Variants in SIPA1L3 observed in about 807,000 individuals in gnomAD.
SIPA1L3 encodes the protein signal induced proliferation associated 1 like 3, also known as signal-induced proliferation-associated 1-like protein 3.
Under a neutral mutation model 150.1 loss-of-function variants are expected in SIPA1L3, and 59 were observed. The observed-to-expected ratio is 0.39, with a 90% CI of 0.32 to 0.49. The LOEUF (loss-of-function observed/expected upper bound fraction) is 0.49, where lower values mean the gene tolerates loss of function less well. Among genes scored for constraint, SIPA1L3 ranks in the 20% least tolerant of loss-of-function variants. SIPA1L3 has a pLI of 0.86. For missense variants in SIPA1L3, 2,211 were observed against 2,489.5 expected (o/e 0.89, Z 2.38); for synonymous variants, 1,070 against 1,077.6 (o/e 0.99, Z 0.14).
At chr19:38,134,184 T>G (rs2163817) in intron 10 of SIPA1L3, among the ~76,000 whole-genome samples, 75,726 of 150,022 alleles carry the variant, frequency 0.5, 20,202 homozygotes, top group African/African-American at 0.67. Flanking sequence ...GGGTTTCACC[T>G]TATTGGCCAG....
At chr19:37,908,246 A>G (rs977274080) in intron 1 of SIPA1L3, among the ~76,000 whole-genome samples, 5 of 152,064 alleles carry the variant, frequency 3.3e-5, no homozygotes. Flanking sequence ...TTCCCTTCCT[A>G]CTACCTCAGG....
chr19:37,988,462 G>C (rs905465371), intron 1 of SIPA1L3, among the ~76,000 whole-genome samples: 7 of 152,150 alleles, frequency 4.6e-5, no homozygotes, highest in African/African-American at 1.7e-4. Context: ...GATCACCTGA[G>C]GTCAGGAGTT....
At chr19:37,996,609 T>A (rs1316731955) in intron 1 of SIPA1L3, among the ~76,000 whole-genome samples, 2 of 152,204 alleles carry the variant, frequency 1.3e-5, no homozygotes, top group Non-Finnish European at 2.9e-5. Flanking sequence ...ACAGTAGCTC[T>A]CTTGAACTTA....
chr19:37,976,751 G>A (rs866040268), intron 1 of SIPA1L3, among the ~76,000 whole-genome samples: 5 of 152,028 alleles, frequency 3.3e-5, no homozygotes, highest in Middle Eastern at 3.2e-3. Flanking sequence ...TATTTGAGAC[G>A]TGTTTAGAAC....
At chr19:38,134,847 A>G (rs566309890) in intron 10 of SIPA1L3, among the ~76,000 whole-genome samples, 1 of 152,184 alleles carries the variant, frequency 6.6e-6, no homozygotes, top group East Asian at 1.9e-4. Flanking sequence ...GTGGTCCGGG[A>G]AGGCCCGAAG....
chr19:38,116,271 A>G (rs926402146), intron 8 of SIPA1L3, among the ~76,000 whole-genome samples: 6 of 152,120 alleles, frequency 3.9e-5, no homozygotes, highest in African/African-American at 1.4e-4. Context: ...GCACTTTGGA[A>G]GTCCGAGGCG....
At chr19:37,927,521 CGTGT>C (rs144453861) in intron 1 of SIPA1L3, among the ~76,000 whole-genome samples, 4,161 of 136,712 alleles carry the variant, frequency 0.03, 62 homozygotes, top group African/African-American at 0.05. Context: ...GTCTGTTGTT[CGTGT>C]GTGTGTGTGT....
At chr19:38,152,415 C>T (rs1368454509) in intron 12 of SIPA1L3, among the ~76,000 whole-genome samples, 2 of 152,194 alleles carry the variant, frequency 1.3e-5, no homozygotes, top group Non-Finnish European at 2.9e-5. Context: ...GCCTGCTGCA[C>T]CCATGAATGC....
chr19:38,129,705 T>C (rs1971264367), intron 9 of SIPA1L3, among the ~76,000 whole-genome samples: 1 of 152,128 alleles, frequency 6.6e-6, no homozygotes, highest in Admixed American at 6.6e-5. Flanking sequence ...CCAGTACTTC[T>C]GGTCTCATGC....
At chr19:38,134,890 C>G (rs1446916680) in intron 10 of SIPA1L3, among the ~76,000 whole-genome samples, 2 of 151,972 alleles carry the variant, frequency 1.3e-5, no homozygotes, top group Non-Finnish European at 2.9e-5. Flanking sequence ...TGGAGACAGA[C>G]CAGAAAGAGG....
At chr19:37,993,152 A>T (rs545830796) in intron 1 of SIPA1L3, among the ~76,000 whole-genome samples, 1 of 152,266 alleles carries the variant, frequency 6.6e-6, no homozygotes, top group South Asian at 2.1e-4. Context: ...GGTCTGAGTT[A>T]TGAGACCTTG....
intron 1 of SIPA1L3, among the ~76,000 whole-genome samples, chr19:38,022,643 G>A (rs758597984): frequency 6.6e-6 from 1 of 152,114 alleles, no homozygotes; most frequent in African/African-American, 2.4e-5. Context: ...GGGAGGCGGA[G>A]CCTGCAGTGA....
intron 2 of SIPA1L3, among the ~76,000 whole-genome samples, chr19:38,044,089 GAA>G (rs960272137): frequency 1.3e-5 from 2 of 152,286 alleles, no homozygotes; most frequent in African/African-American, 4.8e-5. Context: ...AGGGGTGAGA[GAA>G]AGAGAGGGGG....
At chr19:38,143,601 C>T (rs1165500319) in intron 12 of SIPA1L3, among the ~76,000 whole-genome samples, 1 of 142,868 alleles carries the variant, frequency 7.0e-6, no homozygotes, top group African/African-American at 2.7e-5. Context: ...TGCAGTGGCG[C>T]AATCTCAGCT....
intron 15 of SIPA1L3, among the ~76,000 whole-genome samples, chr19:38,180,147 G>T (rs1972524823): frequency 6.6e-6 from 1 of 152,146 alleles, no homozygotes; most frequent in African/African-American, 2.4e-5. Context: ...TATCAGGCAG[G>T]TGTGCTAGCA....
chr19:38,151,882 G>A (rs1971831719), intron 12 of SIPA1L3, among the ~76,000 whole-genome samples: 1 of 150,342 alleles, frequency 6.7e-6, no homozygotes, highest in Non-Finnish European at 1.5e-5. Flanking sequence ...AGGATCGCTT[G>A]AGCCGGGAGG....
At chr19:37,940,689 T>C (rs2046646414) in intron 1 of SIPA1L3, among the ~76,000 whole-genome samples, 1 of 152,046 alleles carries the variant, frequency 6.6e-6, no homozygotes, top group Non-Finnish European at 1.5e-5. Flanking sequence ...CAGGCGATTC[T>C]CCACCTCAGC....
At chr19:37,976,616 C>T (rs1238188715) in intron 1 of SIPA1L3, among the ~76,000 whole-genome samples, 3 of 152,042 alleles carry the variant, frequency 2.0e-5, no homozygotes, top group African/African-American at 7.3e-5. Flanking sequence ...TGCAGCCCGC[C>T]TCCTGGGTGA....
At chr19:38,142,848 C>A in intron 12 of SIPA1L3, 138 bp downstream of exon 12, 1 of 1,100,848 alleles carries the variant, frequency 9.1e-7, no homozygotes, top group Non-Finnish European at 1.3e-6. Flanking sequence ...CTCAGAGGAG[C>A]CCCATGGGGT....
Sources: gnomAD v4.1 joint callset for allele counts (sites outside exome capture counted in the v4.1 genomes callset) on GRCh38, gnomAD v4.1.1 for gene constraint, MANE v1.5 for transcripts, NCBI Gene and HGNC (gene_info 2026-07-23, HGNC 2026-07-21) for gene names.